AFG2A: variants seen among roughly 807,000 people sequenced by gnomAD.
AFG2A encodes AAA ATPase AFG2A, also known as ATPase family gene 2 protein homolog A.
chr4:123,242,015 C>T, the AFG2A span, among the ~76,000 whole-genome samples: 1 of 152,274 alleles, frequency 6.6e-6, no homozygotes, highest in South Asian at 2.1e-4. Context: ...TGTGAGTGAA[C>T]TCCCATTCAC....
chr4:123,220,886 A>C, the AFG2A span, among the ~76,000 whole-genome samples: 3 of 151,498 alleles, frequency 2.0e-5, no homozygotes, highest in Admixed American at 2.0e-4. Flanking sequence ...TGTTTTTATG[A>C]GGTTAATTTA....
At chr4:123,059,477 A>G in the AFG2A span, among the ~76,000 whole-genome samples, 2 of 152,010 alleles carry the variant, frequency 1.3e-5, no homozygotes, top group African/African-American at 4.8e-5. Context: ...TACAAAGGAC[A>G]TGAACTCATC....
the AFG2A span, among the ~76,000 whole-genome samples, chr4:123,307,195 CAG>C: frequency 5.9e-5 from 9 of 152,144 alleles, no homozygotes; most frequent in East Asian, 1.9e-4. Context: ...TTTTTAGAGA[CAG>C]AGTCTTGCAG....
At chr4:122,931,153 T>G in the AFG2A span, among the ~76,000 whole-genome samples, 5 of 152,240 alleles carry the variant, frequency 3.3e-5, no homozygotes, top group South Asian at 1.0e-3. Context: ...TGTTTTTACA[T>G]GTATTTGTAA....
At chr4:123,081,892 A>T in the AFG2A span, among the ~76,000 whole-genome samples, 2 of 152,106 alleles carry the variant, frequency 1.3e-5, no homozygotes, top group African/African-American at 4.8e-5. Context: ...CTAATAATAT[A>T]TGATGTTGAC....
At chr4:123,025,493 A>G in the AFG2A span, among the ~76,000 whole-genome samples, 1 of 152,208 alleles carries the variant, frequency 6.6e-6, no homozygotes, top group African/African-American at 2.4e-5. Flanking sequence ...CTGTCTGAAT[A>G]TGACCGCTCC....
chr4:123,189,758 C>G, the AFG2A span, among the ~76,000 whole-genome samples: 1 of 144,264 alleles, frequency 6.9e-6, no homozygotes, highest in Non-Finnish European at 1.5e-5. Flanking sequence ...ATTAATTGTA[C>G]TAGTTTAGTC....
At chr4:123,279,555 A>G in the AFG2A span, among the ~76,000 whole-genome samples, 3 of 152,216 alleles carry the variant, frequency 2.0e-5, no homozygotes, top group East Asian at 1.9e-4. Flanking sequence ...TACTAACTCT[A>G]TGACTCTGGA....
the AFG2A span, among the ~76,000 whole-genome samples, chr4:123,087,632 A>G: frequency 1.3e-5 from 2 of 152,194 alleles, no homozygotes; most frequent in Non-Finnish European, 2.9e-5. Flanking sequence ...ACCCCGCTCT[A>G]TGACTCTCAG....
At chr4:123,103,113 AGGCT>A in the AFG2A span, among the ~76,000 whole-genome samples, 5 of 152,050 alleles carry the variant, frequency 3.3e-5, no homozygotes, top group Non-Finnish European at 7.4e-5. Context: ...TCCTGAGTAC[AGGCT>A]CTACTGCGTT....
the AFG2A span, chr4:122,934,577 C>A: frequency 6.2e-7 from 1 of 1,613,842 alleles, no homozygotes; most frequent in South Asian, 1.1e-5. Context: ...ATTTCTTCAA[C>A]AACAAGAGTC....
the AFG2A span, among the ~76,000 whole-genome samples, chr4:123,178,040 C>T: frequency 2.0e-5 from 3 of 152,194 alleles, no homozygotes; most frequent in African/African-American, 4.8e-5. Context: ...TTAATCATCT[C>T]TATAATTTAC....
the AFG2A span, among the ~76,000 whole-genome samples, chr4:123,294,135 C>T: frequency 2.0e-5 from 3 of 152,286 alleles, no homozygotes; most frequent in East Asian, 5.8e-4. Flanking sequence ...CTCTTAGCTT[C>T]AGAGGGGAGT....
chr4:123,095,836 C>G, the AFG2A span, among the ~76,000 whole-genome samples: 1 of 152,088 alleles, frequency 6.6e-6, no homozygotes, highest in South Asian at 2.1e-4. Context: ...CCTCTTACCC[C>G]ACAACCTCTA....
the AFG2A span, among the ~76,000 whole-genome samples, chr4:122,952,538 A>G: frequency 1.3e-5 from 2 of 152,168 alleles, no homozygotes; most frequent in Admixed American, 1.3e-4. Flanking sequence ...CCTATCCATA[A>G]TGGCAGACTC....
At chr4:123,006,584 G>T in the AFG2A span, among the ~76,000 whole-genome samples, 1 of 152,032 alleles carries the variant, frequency 6.6e-6, no homozygotes, top group Non-Finnish European at 1.5e-5. Flanking sequence ...ATCTAGTGCT[G>T]CACCTACCAG....
chr4:123,009,334 C>A, the AFG2A span, among the ~76,000 whole-genome samples: 2 of 152,214 alleles, frequency 1.3e-5, no homozygotes, highest in Admixed American at 6.5e-5. Context: ...CCTCAGCTAT[C>A]CAGATTCCAG....
the AFG2A span, among the ~76,000 whole-genome samples, chr4:123,192,982 CTTG>C: frequency 6.6e-6 from 1 of 152,142 alleles, no homozygotes; most frequent in Admixed American, 6.5e-5. Flanking sequence ...TAGGCATTAA[CTTG>C]TTATCTCTTG....
the AFG2A span, among the ~76,000 whole-genome samples, chr4:123,210,727 C>T: frequency 0.6 from 90,953 of 151,904 alleles, 28,789 homozygotes; most frequent in Non-Finnish European, 0.69. Context: ...TGCTAGACTA[C>T]ATAATAGTTA....
Sources: gnomAD v4.1 joint callset for allele counts (sites outside exome capture counted in the v4.1 genomes callset) on GRCh38, gnomAD v4.1.1 for gene constraint, MANE v1.5 for transcripts, NCBI Gene and HGNC (gene_info 2026-07-23, HGNC 2026-07-21) for gene names.